The following CATSPER1 variants were observed in gnomAD, a reference collection of about 807,000 sequenced individuals.
CATSPER1 encodes the protein cation channel sperm associated 1, also known as cation channel sperm-associated protein 1.
Under a neutral mutation model 72.7 loss-of-function variants are expected in CATSPER1, and 57 were observed. That is an observed-to-expected ratio of 0.78 (90% CI 0.63 to 0.98). The LOEUF (loss-of-function observed/expected upper bound fraction) is 0.98, where lower values mean the gene tolerates loss of function less well. Among genes scored for constraint, CATSPER1 ranks in the 50% least tolerant of loss-of-function variants. CATSPER1 has a pLI of 0.00. For synonymous variants in CATSPER1, 363 were observed against 403.0 expected, an observed-to-expected ratio of 0.90 and a Z score of 1.19; for missense variants, 910 against 1,033.9, an observed-to-expected ratio of 0.88 and a Z score of 1.64.
chr11:66,019,283 T>TC (rs1355920321), intron 9 of CATSPER1, among the ~76,000 whole-genome samples: 6 of 151,826 alleles, frequency 4.0e-5, no homozygotes, highest in African/African-American at 1.4e-4. Context: ...CTTTTTTTTT[T>TC]CTTTTTTTTT....
chr11:66,022,024 TCA>T, intron 2 of CATSPER1, 145 bp from the exon 3 acceptor site: 1 of 710,664 alleles, frequency 1.4e-6, no homozygotes, highest in Non-Finnish European at 2.6e-6. Context: ...CTGCTGTGTC[TCA>T]GTTTTCTTGT....
At position 66,025,285 on chromosome 11, in the gene CATSPER1, C is replaced by G. The variant is rs777577779; in HGVS notation, c.1095G>C (p.Arg365=). The change falls in exon 1 of 12, where the codon CGG becomes CGC. Residue 365 remains arginine, a synonymous_variant. Coordinates refer to ENST00000312106, the MANE Select transcript of CATSPER1 (RefSeq NM_053054.4). ...HPRGSAHSMT[R]SSSTIRSRVT... is the part of the protein sequence containing the mutation. The stretch of plus-strand genomic sequence containing the variant: ...CACGTGAGCGGATTGTGCTGGAGGA[C>G]CGAGTCATGCTGTGAGCCGAGCCCC... The G allele has an allele frequency of 1.2e-6, 2 of 1,614,120 alleles. No homozygotes were observed. The highest frequency in any genetic ancestry group is 2.2e-5 in the South Asian group (2 of 91,078).
Position 66,025,256 on chromosome 11 carries a change from G to A in CATSPER1, c.1124C>T (p.Thr375Ile), listed in dbSNP as rs764357789. The A allele has an allele frequency of 4.3e-6, 7 of 1,614,166 alleles. No homozygotes were observed. The highest frequency in any genetic ancestry group is 1.7e-5 in the Admixed American group (1 of 60,026). ...GGTATGGACTTTTTTGGACATCTGG[G>A]TGACACGTGAGCGGATTGTGCTGGA... ...RSSSTIRSRV[T>I]QMSKKVHTQD... The change falls in exon 1 of 12, where the codon ACC (threonine) becomes ATC (isoleucine). Residue 375 changes from threonine to isoleucine, a missense_variant. Coordinates refer to ENST00000312106, the MANE Select transcript of CATSPER1 (RefSeq NM_053054.4).
rs1479362481 is a variant in CATSPER1 at position 66,025,322 on chromosome 11, A to G, written c.1058T>C (p.Val353Ala). The change falls in exon 1 of 12, where the codon GTA (valine) becomes GCA (alanine). Residue 353 changes from valine (V) to alanine (A), a missense_variant. By Grantham distance (64) the Val-to-Ala change is moderately conservative (BLOSUM62 0). Transcript: ENST00000312106. ...GTGAGCCGAGCCCCGTGGGTGTGCT[A>G]CGTGATAGGGGAAGACTCCTGTACG... ...ASRTGVFPYH[V>A]AHPRGSAHSM... The G allele has an allele frequency of 2.5e-6, 4 of 1,614,052 alleles. No individual in the cohort carries two copies. Among genetic ancestry groups the G allele is most frequent in the Non-Finnish European group, 3.4e-6 (4 of 1,180,036 alleles).
rs199855584 is a variant in CATSPER1, at chr11:66,026,128, T to C, written c.252A>G (p.Ala84=). 6.2e-7 allele frequency: 1 copy of C among 1,606,390 alleles called. No homozygotes were observed. Among genetic ancestry groups the C allele is most frequent in the East Asian group, 2.2e-5 (1 of 44,600 alleles). The change falls in exon 1 of 12, where the codon GCA becomes GCG. Residue 84 remains alanine, a synonymous_variant. Transcript: ENST00000312106. ...GGCCATGGGCTCTGCCGTGATTCCG[T>C]GCCTCGCTGTGGTGGTGAGATTGGT... The part of the protein sequence containing the change: ...HVHQSHHHSE[A]RNHGRAHGPT...
rs1856497569 is a variant in CATSPER1, at chr11:66,026,018, C to T, written c.362G>A (p.Arg121His). Residue 121 changes from arginine (R) to histidine (H), a missense_variant, in exon 1 of 12, where the codon CGT (arginine) becomes CAT (histidine). By Grantham distance (29) the Arg-to-His change is conservative (BLOSUM62 0). Transcript: ENST00000312106. ...YGEDYHDELQRDGRRHHDGSQ... is the reference protein window; with the variant it reads ...YGEDYHDELQHDGRRHHDGSQ... ...CCCATCATGATGCCTCCTGCCATCA[C>T]GTTGGAGCTCATCATGGTAGTCCTC... 22 of 1,614,038 alleles carry T rather than the reference C, an allele frequency of 1.4e-5. No individual in the cohort carries two copies. Among genetic ancestry groups the T allele is most frequent in the Non-Finnish European group, 1.7e-5 (20 of 1,179,998 alleles).
Position 66,020,081 on chromosome 11 carries a change from G to A in CATSPER1, c.2125+59C>T, listed in dbSNP as rs1028690828. On this transcript the variant is annotated intron_variant, in intron 9 of 11. Transcript: ENST00000312106. This position sits in a 1 kb window ranked among gnomAD's most constrained non-coding sequence, Gnocchi z 4.5. ...GACTGTGGAAGGAGGTTAGGGGGAT[G>A]GAGAGACTGGCCCCCACTGCGGACG... 1.7e-5 allele frequency: 27 copies of A among 1,548,420 alleles called. No individual in the cohort carries two copies. Among genetic ancestry groups the A allele is most frequent in the African/African-American group, 2.7e-5 (2 of 73,530 alleles).
intron 1 of CATSPER1, 92 bp downstream of exon 1, chr11:66,025,071 AC>A (rs1402047970): frequency 5.0e-5 from 76 of 1,522,958 alleles, no homozygotes; most frequent in Non-Finnish European, 6.5e-5. Flanking sequence ...GTCGGGCCTT[AC>A]GATCTGCGGA....
In CATSPER1 at chr11:66,020,211, G is replaced by A; in HGVS notation, c.2065-11C>T. 6.2e-7 allele frequency: 1 copy of A among 1,614,038 alleles called. No homozygotes were observed. The highest frequency in any genetic ancestry group is 8.5e-7 in the Non-Finnish European group (1 of 1,180,036). On this transcript the variant is annotated splice_polypyrimidine_tract_variant and intron_variant, in intron 8 of 11. Transcript: ENST00000312106. The surrounding 1 kb of genome is among the most constrained non-coding windows in gnomAD (Gnocchi z 4.5). ...GATCCGGGCGGCCCTCTGGGAAGAA[G>A]AGGCCTCAGATCTGCCAGAGTCCCA...
At chr11:66,018,981 A>G in intron 9 of CATSPER1, 79 bp from the exon 10 acceptor site, 1 of 1,231,184 alleles carries the variant, frequency 8.1e-7, no homozygotes, top group South Asian at 1.2e-5. Flanking sequence ...TCAGGAAGAT[A>G]AGGGCTAATG....
rs770349297 is a variant in CATSPER1 at position 66,025,304 on chromosome 11, G to A, written c.1076C>T (p.Ser359Leu). 39 of 1,614,038 alleles carry A rather than the reference G, an allele frequency of 2.4e-5. No homozygotes were observed. The highest frequency in any genetic ancestry group is 6.7e-5 in the Admixed American group (4 of 59,998). The stretch of plus-strand genomic sequence containing the variant: ...GGAGGACCGAGTCATGCTGTGAGCC[G>A]AGCCCCGTGGGTGTGCTACGTGATA... ...FPYHVAHPRG[S>L]AHSMTRSSST... is the part of the protein sequence containing the mutation. Residue 359 changes from serine to leucine, a missense_variant, in exon 1 of 12, where the codon TCG (serine) becomes TTG (leucine). Transcript: ENST00000312106.
At chr11:66,018,694 G>A (rs1590679479) in intron 10 of CATSPER1, 133 bp downstream of exon 10, 1 of 968,232 alleles carries the variant, frequency 1.0e-6, no homozygotes, top group East Asian at 2.5e-5. Context: ...TGCACCCACA[G>A]GCTCATCCAC....
In CATSPER1 at chr11:66,020,683, G is replaced by T; in HGVS notation, c.1928-56C>A. The T allele has an allele frequency of 1.3e-6, 2 of 1,594,662 alleles. No homozygotes were observed. Among genetic ancestry groups the T allele is most frequent in the African/African-American group, 1.3e-5 (1 of 74,702 alleles). ...GGCTGTGCTCGCCACCCCCAACCAC[G>T]ACCTGCTCCCTTCCCATACCCGGAC... On this transcript the variant is annotated intron_variant, in intron 6 of 11. Coordinates refer to ENST00000312106, the MANE Select transcript of CATSPER1 (RefSeq NM_053054.4). The surrounding 1 kb of genome is among the most constrained non-coding windows in gnomAD (Gnocchi z 4.5).
intron 1 of CATSPER1, 59 bp from the exon 2 acceptor site, chr11:66,023,120 C>CTGGGGGGTGCCTGGG: frequency 6.7e-7 from 1 of 1,495,358 alleles, no homozygotes; most frequent in Non-Finnish European, 9.3e-7. Flanking sequence ...AGGTCCCAGG[C>CTGGGGGGTGCCTGGG]ACCCCCCAGC....
chr11:66,019,133 C>A (rs1053422911), intron 9 of CATSPER1, among the ~76,000 whole-genome samples: 2 of 152,100 alleles, frequency 1.3e-5, no homozygotes, highest in African/African-American at 2.4e-5. Flanking sequence ...ACTTCTACCC[C>A]CTTTCAGTCC....
rs754299078 is a variant in CATSPER1 at position 66,023,006 on chromosome 11, C to A, written c.1272G>T (p.Trp424Cys). The change falls in exon 2 of 12, where the codon TGG (tryptophan) becomes TGT (cysteine). Residue 424 changes from tryptophan to cysteine, a missense_variant. By Grantham distance (215) the Trp-to-Cys change is radical. Coordinates refer to ENST00000312106, the MANE Select transcript of CATSPER1 (RefSeq NM_053054.4). ...KKGHSTNLFQ[W>C]LWEKLTFLIQ... The stretch of plus-strand genomic sequence containing the variant: ...TGAGGAAGGTTAGCTTTTCCCACAG[C>A]CACTGGAAGAGATTGGTAGAGTGTC... 10 of 1,614,228 alleles carry A rather than the reference C, an allele frequency of 6.2e-6. No individual in the cohort carries two copies. The highest frequency in any genetic ancestry group is 1.6e-4 in the Middle Eastern group (1 of 6,062).
Position 66,016,864 on chromosome 11 carries a change from AGTCTGTATCT to A in CATSPER1, c.*16_*25del, listed in dbSNP as rs746590281. The stretch of plus-strand genomic sequence containing the variant: ...AGGTGGGCAGACTGCCAGGGGCTGA[AGTCTGTATCT>A]GGTGTCCTCCTGGGGTCAATTCCTG... On this transcript the variant is annotated 3_prime_UTR_variant, in exon 12 of 12. Coordinates refer to ENST00000312106, the MANE Select transcript of CATSPER1 (RefSeq NM_053054.4). 1 of 1,611,574 alleles carries A rather than the reference AGTCTGTATCT, an allele frequency of 6.2e-7. No homozygotes were observed. The highest frequency in any genetic ancestry group is 1.7e-5 in the Admixed American group (1 of 59,848).
At position 66,020,429 on chromosome 11, in the gene CATSPER1, CAGAGGAGAGG is replaced by C. The variant is rs1240692668; in HGVS notation, c.1992-50_1992-41del. ...AGGGGTGTGCCCTCAGCGAGGAGGCCAGAGGAGAGGGGCACCCGGTACTTCTTGTGGGTTC... is the reference window on the plus strand; with the variant it reads ...AGGGGTGTGCCCTCAGCGAGGAGGCCGGCACCCGGTACTTCTTGTGGGTTC... On this transcript the variant is annotated intron_variant, in intron 7 of 11. Coordinates refer to ENST00000312106, the MANE Select transcript of CATSPER1 (RefSeq NM_053054.4). The surrounding 1 kb of genome is among the most constrained non-coding windows in gnomAD (Gnocchi z 4.5). The C allele has an allele frequency of 1.2e-6, 2 of 1,612,864 alleles. No individual in the cohort carries two copies. Among genetic ancestry groups the C allele is most frequent in the African/African-American group, 2.7e-5 (2 of 74,878 alleles).
rs1856410687 is a variant in CATSPER1 at position 66,023,059 on chromosome 11, C to T, written c.1219G>A (p.Gly407Ser). The T allele has an allele frequency of 6.2e-7, 1 of 1,613,828 alleles. No homozygotes were observed. The highest frequency in any genetic ancestry group is 8.5e-7 in the Non-Finnish European group (1 of 1,179,816). ...EEGQFQKRKT[G>S]RLQRTRKKGH... ...TTCTTGCGGGTCCGCTGGAGCCGGC[C>T]GGCTGAAAGGAACAGGGCCAGAAAG... The change falls in exon 2 of 12, where the codon GGC becomes AGC. Residue 407 changes from glycine to serine, a missense_variant and splice_region_variant. Transcript: ENST00000312106.
Sources: allele counts gnomAD v4.1 joint callset (sites outside exome capture counted in the v4.1 genomes callset), GRCh38; gene constraint gnomAD v4.1.1; non-coding constraint Gnocchi (gnomAD v3.1); transcripts MANE v1.5; gene names NCBI Gene and HGNC (gene_info 2026-07-23, HGNC 2026-07-21).